Variants in TYW1 observed in about 807,000 individuals in gnomAD.
The protein encoded by TYW1 is S-adenosyl-L-methionine-dependent tRNA 4-demethylwyosine synthase TYW1.
TYW1 carries 46 observed loss-of-function variants against 96.2 expected under a neutral mutation model. The observed-to-expected ratio is 0.48, with a 90% confidence interval of 0.38 to 0.61. The LOEUF (loss-of-function observed/expected upper bound fraction) is 0.61, where lower values mean the gene tolerates loss of function less well. TYW1 is among the 20% of genes least tolerant of loss of function. The pLI is 0.00. For missense variants in TYW1, 684 were observed against 909.6 expected (o/e 0.75, Z 3.19); for synonymous variants, 274 against 323.0 (o/e 0.85, Z 1.63).
chr7:67,005,387 G>A (rs1793539226), intron 3 of TYW1, among the ~76,000 whole-genome samples: 1 of 152,166 alleles, frequency 6.6e-6, no homozygotes, highest in African/African-American at 2.4e-5. Flanking sequence ...CTTGAGACCA[G>A]GAGTTTGAGA....
At chr7:67,229,565 T>A (rs1037656259) in intron 15 of TYW1, among the ~76,000 whole-genome samples, 3 of 151,808 alleles carry the variant, frequency 2.0e-5, no homozygotes, top group Non-Finnish European at 4.4e-5. Context: ...GAATATACAC[T>A]GTTTTCTGTA....
intron 13 of TYW1, among the ~76,000 whole-genome samples, chr7:67,140,473 T>C (rs1010854714): frequency 6.6e-6 from 1 of 152,160 alleles, no homozygotes; most frequent in Admixed American, 6.6e-5. Flanking sequence ...AAGTTGGTAC[T>C]AAAATGTCCT....
chr7:67,196,820 A>G (rs1329750075), intron 15 of TYW1, among the ~76,000 whole-genome samples: 2 of 151,690 alleles, frequency 1.3e-5, no homozygotes, highest in African/African-American at 4.8e-5. Context: ...ATAGATAGCA[A>G]ACCATCTCAT....
At chr7:67,015,350 T>A (rs763591314) in intron 5 of TYW1, among the ~76,000 whole-genome samples, 64 of 152,228 alleles carry the variant, frequency 4.2e-4, no homozygotes, top group Middle Eastern at 3.4e-3. Flanking sequence ...AATTTTTTTT[T>A]AAAATTATGT....
chr7:67,228,418 A>G lies in TYW1; in HGVS notation c.1978-9890A>G, dbSNP rs140919918. Among the ~76,000 whole-genome samples, 245 of 152,288 alleles carry G rather than the reference A, an allele frequency of 1.6e-3. 1 individual carries two copies. Among genetic ancestry groups the G allele is most frequent in the African/African-American group, 5.3e-3 (219 of 41,568 alleles). On this transcript the variant is annotated intron_variant, in intron 15 of 15. Transcript: ENST00000359626. The stretch of plus-strand genomic sequence containing the variant: ...AGGAAAGGCCCTCCTCCATGATTCA[A>G]TTACCTCCTACCTGGTCCCTCCCAC...
At chr7:67,130,774 G>A (rs1798048362) in intron 13 of TYW1, among the ~76,000 whole-genome samples, 1 of 152,076 alleles carries the variant, frequency 6.6e-6, no homozygotes, top group Admixed American at 6.6e-5. Context: ...AACCTCACAA[G>A]TCTTGTCTTT....
In TYW1 at chr7:67,179,927, T is replaced by C. The variant is rs1334209378; in HGVS notation, c.1699-3199T>C. Among the ~76,000 whole-genome samples, 3 of 104,826 alleles carry C rather than the reference T, an allele frequency of 2.9e-5. 1 individual carries two copies. The highest frequency in any genetic ancestry group is 6.1e-5 in the Non-Finnish European group (3 of 49,072). 68.8% of individuals were successfully genotyped at this position (104,826 alleles called of 152,430 possible). A position where few individuals can be genotyped will look rare whatever the true frequency, so the allele number is the denominator to read the frequency against. ...TCACCCAGGCTGGAGTGCGTTGGTG[T>C]GATCATGGCTCACGGCAGCCTCCAC... On this transcript the variant is annotated intron_variant, in intron 13 of 15. Coordinates refer to ENST00000359626, the MANE Select transcript of TYW1 (RefSeq NM_018264.4).
At position 67,069,266 on chromosome 7, in the gene TYW1, T is replaced by C. The variant is rs148326023; in HGVS notation, c.1274+1863T>C. Reference sequence around the variant, plus strand: ...GAATTGGTAAACTATTTTGAATTGATATTATTTGACTCAATAGCAGTCAAA... The same window carrying C: ...GAATTGGTAAACTATTTTGAATTGACATTATTTGACTCAATAGCAGTCAAA... On this transcript the variant is annotated intron_variant, in intron 10 of 15. Coordinates refer to ENST00000359626, the MANE Select transcript of TYW1 (RefSeq NM_018264.4). Among the ~76,000 whole-genome samples the C allele has an allele frequency of 5.3e-5, 8 of 152,346 alleles. No individual in the cohort carries two copies. The East Asian group carries it at 1.3e-3, about 26-fold the overall frequency.
intron 13 of TYW1, among the ~76,000 whole-genome samples, chr7:67,137,059 C>T (rs1338893270): frequency 8.2e-6 from 1 of 122,072 alleles, no homozygotes; most frequent in Non-Finnish European, 1.7e-5. Context: ...CTGATCCACC[C>T]ACCCTGGCCT....
chr7:67,081,237 T>C (rs1215727982), intron 10 of TYW1, among the ~76,000 whole-genome samples: 6 of 136,414 alleles, frequency 4.4e-5, no homozygotes, highest in Non-Finnish European at 9.5e-5. Context: ...TTTTTTTTTT[T>C]TTCCAGCCCT....
chr7:67,153,377 A>G (rs557517069), intron 13 of TYW1, among the ~76,000 whole-genome samples: 5 of 152,292 alleles, frequency 3.3e-5, no homozygotes, highest in African/African-American at 1.2e-4. Flanking sequence ...AATCGCTTGA[A>G]CATGGGAGGT....
At chr7:67,020,007 A>T (rs1377622085) in intron 6 of TYW1, among the ~76,000 whole-genome samples, 1 of 152,272 alleles carries the variant, frequency 6.6e-6, no homozygotes, top group Non-Finnish European at 1.5e-5. Flanking sequence ...TTCCAATTTC[A>T]TTTCAGTCCA....
At chr7:67,003,141 G>C (rs1793462959) in intron 3 of TYW1, among the ~76,000 whole-genome samples, 1 of 152,052 alleles carries the variant, frequency 6.6e-6, no homozygotes, top group Non-Finnish European at 1.5e-5. Flanking sequence ...CTATCTTAGA[G>C]CATCATATGA....
At chr7:67,206,535 G>A (rs943858294) in intron 15 of TYW1, among the ~76,000 whole-genome samples, 3 of 151,938 alleles carry the variant, frequency 2.0e-5, no homozygotes, top group Non-Finnish European at 4.4e-5. Flanking sequence ...GGAGGCGGAG[G>A]CAGAAGAATT....
chr7:67,174,863 G>A (rs1799621608), intron 13 of TYW1, among the ~76,000 whole-genome samples: 1 of 152,062 alleles, frequency 6.6e-6, no homozygotes, highest in Non-Finnish European at 1.5e-5. Flanking sequence ...TAAAAAGATA[G>A]GAGGATATTT....
chr7:67,106,173 A>G (rs1377018100), intron 12 of TYW1, among the ~76,000 whole-genome samples: 2 of 152,236 alleles, frequency 1.3e-5, no homozygotes, highest in Non-Finnish European at 2.9e-5. Flanking sequence ...CTGGGATTAC[A>G]GGTGTGAGCC....
intron 13 of TYW1, among the ~76,000 whole-genome samples, chr7:67,159,696 A>G (rs896147252): frequency 6.6e-6 from 1 of 152,174 alleles, no homozygotes; most frequent in African/African-American, 2.4e-5. Flanking sequence ...CTTTAGTAGC[A>G]TTATGTCTAT....
chr7:67,006,948 C>CT (rs34475001), intron 3 of TYW1, among the ~76,000 whole-genome samples: 1,399 of 45,114 alleles, frequency 0.031, 124 homozygotes, highest in Non-Finnish European at 0.034. Flanking sequence ...AGATGTGAGG[C>CT]TTTTTTTTTT....
chr7:67,018,047 C>T lies in TYW1; in HGVS notation c.765C>T (p.His255=). ...AGAGAAAGAAGTCCTGTGGCGGCCA[C>T]TGCAAGAAAGGCAAATGTGAATCTC... is the stretch of plus-strand genomic sequence containing the variant. The part of the protein sequence containing the change: ...KGERKKSCGG[H]CKKGKCESHQ... The change falls in exon 6 of 16, where the codon CAC becomes CAT. Residue 255 remains histidine, a synonymous_variant. Transcript: ENST00000359626. The T allele has an allele frequency of 6.2e-7, 1 of 1,614,094 alleles. No individual in the cohort carries two copies. Among genetic ancestry groups the T allele is most frequent in the Admixed American group, 1.7e-5 (1 of 59,982 alleles).
Sources: allele counts gnomAD v4.1 joint callset (sites outside exome capture counted in the v4.1 genomes callset), GRCh38; gene constraint gnomAD v4.1.1; transcripts MANE v1.5; gene names NCBI Gene and HGNC (gene_info 2026-07-23, HGNC 2026-07-21).